The following FLVCR2 variants were observed in gnomAD, a reference collection of about 807,000 sequenced individuals.
FLVCR2 encodes the protein choline/ethanolamine transporter FLVCR2.
Under a neutral mutation model 48.9 loss-of-function variants are expected in FLVCR2, and 38 were observed. The ratio of observed to expected loss-of-function variants is 0.78; its 90% CI spans 0.60 to 1.02. The LOEUF (loss-of-function observed/expected upper bound fraction) is 1.02, where lower values mean the gene tolerates loss of function less well. Ranked by LOEUF, FLVCR2 falls within the 50% of genes least tolerant of loss-of-function variation. The probability of loss-of-function intolerance (pLI) is 0.00; values close to 1 mark genes in which losing one functional copy is unlikely to be tolerated. For missense variants in FLVCR2, 664 were observed against 663.3 expected (o/e 1.00, Z -0.01); for synonymous variants, 255 against 257.0 (o/e 0.99, Z 0.07).
chr14:75,617,882 T>G (rs2140033820), intron 1 of FLVCR2, among the ~76,000 whole-genome samples: 1 of 152,288 alleles, frequency 6.6e-6, no homozygotes, highest in East Asian at 1.9e-4. Flanking sequence ...GAAGCAGGAT[T>G]TGCACTCAGA....
At chr14:75,632,550 C>A in intron 3 of FLVCR2, 1 of 692,832 alleles carries the variant, frequency 1.4e-6, no homozygotes, top group Non-Finnish European at 2.6e-6. Context: ...CCTTCCCTTG[C>A]ACCTTAGCCA....
At chr14:75,621,019 A>G (rs780190399) in intron 1 of FLVCR2, among the ~76,000 whole-genome samples, 5 of 152,204 alleles carry the variant, frequency 3.3e-5, no homozygotes, top group Non-Finnish European at 7.3e-5. Flanking sequence ...TTCCGCCTCA[A>G]TATTATGTGC....
Position 75,639,386 on chromosome 14 carries a change from G to C in FLVCR2, c.1159G>C (p.Val387Leu). 1.2e-6 allele frequency: 2 copies of C among 1,614,010 alleles called. No homozygotes were observed. Among genetic ancestry groups the C allele is most frequent in the East Asian group, 2.2e-5 (1 of 44,892 alleles). The change falls in exon 6 of 10, where the codon GTG becomes CTG. Residue 387 changes from valine (V) to leucine (L), a missense_variant. Physicochemically the swap from Val to Leu is conservative, Grantham distance 32 (BLOSUM62 1). Coordinates refer to ENST00000238667, the MANE Select transcript of FLVCR2 (RefSeq NM_017791.3). ...TTLVVYIMTL[V>L]GMVVYTFTLN... ...CCTGGTAGTCTATATCATGACACTG[G>C]TGGGCATGGTGGTGTACACGTTTAC...
chr14:75,585,287 G>A (rs1888715976), intron 1 of FLVCR2, among the ~76,000 whole-genome samples: 1 of 152,162 alleles, frequency 6.6e-6, no homozygotes, highest in Non-Finnish European at 1.5e-5. Context: ...CAGACCATTT[G>A]CCCATTTTTC....
At chr14:75,586,392 A>T (rs1309557926) in intron 1 of FLVCR2, among the ~76,000 whole-genome samples, 1 of 152,190 alleles carries the variant, frequency 6.6e-6, no homozygotes, top group Non-Finnish European at 1.5e-5. Context: ...TCATCAGTTA[A>T]GGCTATTTTC....
intron 2 of FLVCR2, among the ~76,000 whole-genome samples, chr14:75,623,977 G>T (rs1282955942): frequency 2.0e-5 from 3 of 151,406 alleles, no homozygotes; most frequent in Non-Finnish European, 2.9e-5. Flanking sequence ...ACTTGAACCC[G>T]GGAGGCAGAG....
chr14:75,646,260 C>T, intron 9 of FLVCR2, 141 bp from the exon 10 acceptor site: 1 of 670,840 alleles, frequency 1.5e-6, no homozygotes, highest in Non-Finnish European at 2.7e-6. Flanking sequence ...TTTTCTTGTT[C>T]TCTTTCTTGG....
chr14:75,579,397 C>A lies in FLVCR2; in HGVS notation c.425C>A (p.Ala142Asp), dbSNP rs1888538966. 1 of 1,614,202 alleles carries A rather than the reference C, an allele frequency of 6.2e-7. No homozygotes were observed. Among genetic ancestry groups the A allele is most frequent in the Non-Finnish European group, 8.5e-7 (1 of 1,180,040 alleles). The part of the protein sequence containing the change: ...LTYIPLLLPV[A>D]WLLEKFGLRT... ...TACATCCCTCTGCTCCTGCCAGTGG[C>A]TTGGCTGCTGGAGAAGTTCGGCCTG... The change falls in exon 1 of 10, where the codon GCT becomes GAT. Residue 142 changes from alanine to aspartate, a missense_variant. Physicochemically the swap from Ala to Asp is moderately radical, Grantham distance 126. Coordinates refer to ENST00000238667, the MANE Select transcript of FLVCR2 (RefSeq NM_017791.3).
intron 2 of FLVCR2, among the ~76,000 whole-genome samples, chr14:75,622,737 A>C (rs1889796673): frequency 2.0e-5 from 3 of 150,786 alleles, no homozygotes. Context: ...TAAATTTCTA[A>C]AAAAAAAAAA....
At chr14:75,598,663 T>C (rs187101764) in intron 1 of FLVCR2, among the ~76,000 whole-genome samples, 138 of 152,024 alleles carry the variant, frequency 9.1e-4, no homozygotes, top group African/African-American at 3.1e-3. Context: ...TTTTGTAGAA[T>C]CTGGGTCTCA....
chr14:75,641,117 C>T, intron 7 of FLVCR2, 57 bp downstream of exon 7: 5 of 1,548,760 alleles, frequency 3.2e-6, no homozygotes, highest in Non-Finnish European at 4.5e-6. Context: ...ATCATGGCAG[C>T]TCAGTTCTTC....
chr14:75,640,131 C>T (rs1158513697), intron 6 of FLVCR2, among the ~76,000 whole-genome samples: 1 of 151,926 alleles, frequency 6.6e-6, no homozygotes, highest in African/African-American at 2.4e-5. Flanking sequence ...TGGTGGCACA[C>T]ACCTGTAGTC....
intron 1 of FLVCR2, among the ~76,000 whole-genome samples, chr14:75,592,119 CT>C (rs1473942673): frequency 6.6e-6 from 1 of 152,116 alleles, no homozygotes; most frequent in Non-Finnish European, 1.5e-5. Context: ...GCATGAGCCA[CT>C]GTGCCTGGCC....
chr14:75,610,334 C>A (rs1350331298), intron 1 of FLVCR2, among the ~76,000 whole-genome samples: 1 of 152,168 alleles, frequency 6.6e-6, no homozygotes, highest in Non-Finnish European at 1.5e-5. Context: ...TCAAGGGGAA[C>A]ACCAAGTCCT....
intron 1 of FLVCR2, among the ~76,000 whole-genome samples, chr14:75,595,581 G>A (rs141472812): frequency 7.0e-4 from 106 of 152,348 alleles, no homozygotes; most frequent in African/African-American, 2.5e-3. Context: ...ATCTTGTAAT[G>A]TCAGAGGTCT....
In FLVCR2 at chr14:75,630,144, A is replaced by C. The variant is rs143448064; in HGVS notation, c.953-3485A>C. 4.6e-3 allele frequency among the ~76,000 whole-genome samples: 696 copies of C among 152,258 alleles called. 19 individuals are homozygous for C. The highest frequency in any genetic ancestry group is 9.9e-4 in the Non-Finnish European group (67 of 68,016). ...TAGGACCCCCTGGGGTGCTTGATTG[A>C]ATGTGTGCATAGATTTCTGGAAATT... On this transcript the variant is annotated intron_variant, in intron 3 of 9. Coordinates refer to ENST00000238667, the MANE Select transcript of FLVCR2 (RefSeq NM_017791.3).
At chr14:75,616,271 G>A (rs1889615135) in intron 1 of FLVCR2, among the ~76,000 whole-genome samples, 1 of 151,420 alleles carries the variant, frequency 6.6e-6, no homozygotes, top group African/African-American at 2.4e-5. Flanking sequence ...AGGTTGCAGT[G>A]AGCCAAGATT....
At chr14:75,643,860 C>A (rs1346825148) in intron 9 of FLVCR2, among the ~76,000 whole-genome samples, 5 of 152,122 alleles carry the variant, frequency 3.3e-5, no homozygotes, top group African/African-American at 1.2e-4. Context: ...GTGGGCAGAT[C>A]AGGAGTTTGA....
At chr14:75,644,596 G>A (rs1261948472) in intron 9 of FLVCR2, among the ~76,000 whole-genome samples, 1 of 152,174 alleles carries the variant, frequency 6.6e-6, no homozygotes, top group Non-Finnish European at 1.5e-5. Flanking sequence ...AATTCACTAT[G>A]TGTCTGTAGA....
Sources: gnomAD v4.1 joint callset for allele counts (sites outside exome capture counted in the v4.1 genomes callset) on GRCh38, gnomAD v4.1.1 for gene constraint, MANE v1.5 for transcripts, NCBI Gene and HGNC (gene_info 2026-07-23, HGNC 2026-07-21) for gene names.